Variants in CCDC192 observed in about 807,000 individuals in gnomAD.
CCDC192 encodes coiled-coil domain containing 192, also known as coiled-coil domain-containing protein 192.
chr5:127,915,725 ATTTT>A (rs34033284), intron 6 of CCDC192, among the ~76,000 whole-genome samples: 2 of 147,558 alleles, frequency 1.4e-5, no homozygotes, highest in Admixed American at 1.3e-4. Context: ...TTCTTTTGCA[ATTTT>A]TTTTTTTTAG....
intron 5 of CCDC192, among the ~76,000 whole-genome samples, chr5:127,831,430 T>A (rs2127042759): frequency 1.3e-5 from 2 of 152,190 alleles, no homozygotes; most frequent in Middle Eastern, 3.4e-3. Flanking sequence ...AGTCATTGAA[T>A]TAACAACCCA....
At chr5:127,851,950 G>C (rs1490602547) in intron 5 of CCDC192, among the ~76,000 whole-genome samples, 1 of 152,184 alleles carries the variant, frequency 6.6e-6, no homozygotes, top group Non-Finnish European at 1.5e-5. Context: ...TAGGTGTTCT[G>C]TGATATATTG....
At chr5:127,855,360 G>T (rs563845642) in intron 5 of CCDC192, among the ~76,000 whole-genome samples, 22 of 152,288 alleles carry the variant, frequency 1.4e-4, no homozygotes, top group African/African-American at 5.3e-4. Context: ...TTTATCATGA[G>T]ATTGCAGGAA....
At chr5:127,839,024 T>G in intron 5 of CCDC192, among the ~76,000 whole-genome samples, 1 of 152,234 alleles carries the variant, frequency 6.6e-6, no homozygotes, top group Non-Finnish European at 1.5e-5. Context: ...GGTTTTCACC[T>G]GAACCCTGGA....
intron 6 of CCDC192, among the ~76,000 whole-genome samples, chr5:127,889,398 T>C (rs1253086213): frequency 7.5e-6 from 1 of 132,630 alleles, no homozygotes; most frequent in Non-Finnish European, 1.6e-5. Context: ...TCTTTTCTTT[T>C]CTTTCTTTCT....
chr5:127,827,720 C>T (rs748810347), intron 5 of CCDC192, among the ~76,000 whole-genome samples: 9 of 152,194 alleles, frequency 5.9e-5, no homozygotes, highest in Non-Finnish European at 5.9e-5. Context: ...ACTGGACCAA[C>T]ATATAAATGT....
chr5:127,770,204 C>T (rs1186135085), intron 3 of CCDC192, among the ~76,000 whole-genome samples: 1 of 152,198 alleles, frequency 6.6e-6, no homozygotes, highest in Non-Finnish European at 1.5e-5. Flanking sequence ...CCCACCTCAG[C>T]CTCCCAGGTA....
chr5:127,762,919 T>A (rs1419351641), intron 3 of CCDC192, among the ~76,000 whole-genome samples: 6 of 152,242 alleles, frequency 3.9e-5, no homozygotes, highest in Admixed American at 3.9e-4. Flanking sequence ...ATCGAGTTTA[T>A]ACTATGAGCT....
intron 6 of CCDC192, among the ~76,000 whole-genome samples, chr5:127,918,216 T>TATAAAAAA (rs1753584173): frequency 1.0e-5 from 1 of 100,420 alleles, no homozygotes; most frequent in Admixed American, 9.8e-5. Flanking sequence ...CTTCAATTTG[T>TATAAAAAA]AAAAAAAAAA....
At chr5:127,850,078 G>A (rs1333722801) in intron 5 of CCDC192, among the ~76,000 whole-genome samples, 4 of 152,180 alleles carry the variant, frequency 2.6e-5, no homozygotes, top group Non-Finnish European at 4.4e-5. Flanking sequence ...AATAAAGGCC[G>A]TAGGGATTAT....
chr5:127,931,138 T>C (rs527905822), intron 6 of CCDC192, among the ~76,000 whole-genome samples: 4 of 152,188 alleles, frequency 2.6e-5, no homozygotes, highest in Admixed American at 6.5e-5. Context: ...CTGTGGAAGC[T>C]GGGGAGTCAC....
At chr5:127,734,830 C>CT (rs1161609607) in intron 2 of CCDC192, among the ~76,000 whole-genome samples, 1 of 151,664 alleles carries the variant, frequency 6.6e-6, no homozygotes, top group Non-Finnish European at 1.5e-5. Flanking sequence ...GATATTAGCC[C>CT]TTTGTCAGAT....
At chr5:127,918,271 T>C (rs1753589807) in intron 6 of CCDC192, among the ~76,000 whole-genome samples, 3 of 144,652 alleles carry the variant, frequency 2.1e-5, no homozygotes, top group Non-Finnish European at 4.4e-5. Context: ...TGAAGCCCAA[T>C]TAAATGAGAT....
At chr5:127,712,076 G>T (rs937955749) in intron 2 of CCDC192, among the ~76,000 whole-genome samples, 8 of 152,012 alleles carry the variant, frequency 5.3e-5, no homozygotes, top group African/African-American at 1.9e-4. Flanking sequence ...ATTTCCTTGA[G>T]ATTTTTATAA....
At chr5:127,898,467 T>C (rs1752954239) in intron 6 of CCDC192, among the ~76,000 whole-genome samples, 1 of 152,118 alleles carries the variant, frequency 6.6e-6, no homozygotes, top group African/African-American at 2.4e-5. Context: ...GAGTTTCCTA[T>C]ATAATAGAAA....
intron 2 of CCDC192, among the ~76,000 whole-genome samples, chr5:127,714,015 C>T (rs1048599249): frequency 3.3e-5 from 5 of 152,194 alleles, no homozygotes; most frequent in African/African-American, 1.2e-4. Flanking sequence ...TCTTCAGCCT[C>T]TGGTAACCCC....
intron 5 of CCDC192, among the ~76,000 whole-genome samples, chr5:127,805,527 G>A (rs75111359): frequency 0.016 from 2,407 of 152,276 alleles, 30 homozygotes; most frequent in African/African-American, 0.036. Context: ...TCATATGGCA[G>A]ACTCAGACCA....
chr5:127,738,631 T>C (rs1049121943), intron 2 of CCDC192, among the ~76,000 whole-genome samples: 35 of 150,910 alleles, frequency 2.3e-4, no homozygotes, highest in Admixed American at 5.9e-4. Flanking sequence ...TGCTCATTTC[T>C]TTTTATTCTT....
intron 5 of CCDC192, among the ~76,000 whole-genome samples, chr5:127,854,085 A>G (rs1750940170): frequency 2.0e-5 from 3 of 152,152 alleles, no homozygotes; most frequent in South Asian, 4.1e-4. Flanking sequence ...TAGAAACACT[A>G]TTCCTTTGGG....
Sources: gnomAD v4.1 joint callset for allele counts (sites outside exome capture counted in the v4.1 genomes callset) on GRCh38, gnomAD v4.1.1 for gene constraint, MANE v1.5 for transcripts, NCBI Gene and HGNC (gene_info 2026-07-23, HGNC 2026-07-21) for gene names.